EYS: variants seen among roughly 807,000 people sequenced by gnomAD.
The protein encoded by EYS is EGF-like photoreceptor maintenance factor, also known as protein eyes shut homolog.
A neutral mutation model predicts 282.1 loss-of-function variants in EYS; 250 were observed. That is an observed-to-expected ratio of 0.89 (90% CI 0.80 to 0.98). The LOEUF is 0.98. Among genes scored for constraint, EYS ranks in the 50% least tolerant of loss-of-function variants. The pLI is 0.00. For synonymous variants in EYS, 1,355 were observed against 1,282.9 expected (o/e 1.06, Z -1.20); for missense variants, 4,016 against 3,709.0 (o/e 1.08, Z -2.15).
chr6:64,767,334 A>G (rs1181007972), intron 22 of EYS, among the ~76,000 whole-genome samples: 4 of 152,124 alleles, frequency 2.6e-5, no homozygotes, highest in East Asian at 1.9e-4. Context: ...TGCTAATTAT[A>G]GTCACCCTGC....
intron 18 of EYS, among the ~76,000 whole-genome samples, chr6:64,900,941 C>T (rs1400638753): frequency 2.0e-5 from 3 of 151,816 alleles, no homozygotes; most frequent in Admixed American, 6.6e-5. Flanking sequence ...CACATGCACA[C>T]GCATGTTTAT....
intron 1 of EYS, among the ~76,000 whole-genome samples, chr6:65,656,413 G>T (rs575624019): frequency 6.6e-6 from 1 of 151,992 alleles, no homozygotes; most frequent in East Asian, 1.9e-4. Flanking sequence ...GGAAGTTCGT[G>T]AGGGAAAGTG....
chr6:64,989,484 T>TAC lies in EYS; in HGVS notation c.2259+8097_2259+8098insGT, dbSNP rs1770982521. ...TGTAATATATATATATATATATATA[T>TAC]ATAAGAATATATATGAGAAACATGT... is the stretch of plus-strand genomic sequence containing the variant. On this transcript the variant is annotated intron_variant, in intron 14 of 42. Transcript: ENST00000503581. Among the ~76,000 whole-genome samples, 6 of 117,164 alleles carry TAC rather than the reference T, an allele frequency of 5.1e-5. 1 individual carries two copies. The Admixed American group carries it at 5.2e-4, about 10-fold the overall frequency. The allele number at this position is 117,164 out of a possible 152,430, so 76.9% of individuals were successfully genotyped here. A position where few individuals can be genotyped will look rare whatever the true frequency, so the allele number is the denominator to read the frequency against.
At chr6:63,848,078 A>T (rs1250803526) in intron 36 of EYS, among the ~76,000 whole-genome samples, 3 of 152,152 alleles carry the variant, frequency 2.0e-5, no homozygotes, top group African/African-American at 7.2e-5. Context: ...GTTTAGGCTG[A>T]AATGACCTTA....
chr6:65,028,875 A>G (rs907096190), intron 13 of EYS, among the ~76,000 whole-genome samples: 2 of 152,108 alleles, frequency 1.3e-5, no homozygotes, highest in African/African-American at 4.8e-5. Context: ...ACTTTCATGT[A>G]TATGTTGATT....
At position 64,506,152 on chromosome 6, in the gene EYS, C is replaced by G. The variant is rs533770847; in HGVS notation, c.5645-66800G>C. 9.9e-5 allele frequency among the ~76,000 whole-genome samples: 15 copies of G among 152,172 alleles called. No homozygotes were observed. In the East Asian group the frequency reaches 2.9e-3, roughly 29 times the overall value. On this transcript the variant is annotated intron_variant, in intron 26 of 42. Transcript: ENST00000503581. ...TATAAAAGTATCCCAATACAGTATACTGTATAAAATTGTATTTTAAAACTG... is the reference window on the plus strand; with the variant it reads ...TATAAAAGTATCCCAATACAGTATAGTGTATAAAATTGTATTTTAAAACTG...
At chr6:64,327,759 G>A (rs1399868974) in intron 29 of EYS, among the ~76,000 whole-genome samples, 1 of 152,238 alleles carries the variant, frequency 6.6e-6, no homozygotes, top group African/African-American at 2.4e-5. Context: ...CCGTCCTACA[G>A]GCCCCACCTG....
intron 31 of EYS, among the ~76,000 whole-genome samples, chr6:64,228,778 G>A (rs138247575): frequency 2.1e-3 from 312 of 152,044 alleles, no homozygotes; most frequent in African/African-American, 6.7e-3. Context: ...TTAAACCTCC[G>A]TGAAACCTTG....
At chr6:64,808,104 CCCTTCTTCCCTTT>C (rs1249534083) in intron 22 of EYS, among the ~76,000 whole-genome samples, 1 of 149,664 alleles carries the variant, frequency 6.7e-6, no homozygotes, top group African/African-American at 2.4e-5. Context: ...TTCTTCCCTT[CCCTTCTTCCCTTT>C]CCTTCCCTTC....
intron 32 of EYS, among the ~76,000 whole-genome samples, chr6:64,076,978 C>T (rs562855203): frequency 6.6e-6 from 1 of 151,912 alleles, no homozygotes; most frequent in South Asian, 2.1e-4. Context: ...TTGTATCCCT[C>T]ACATTGCCCA....
chr6:65,516,207 G>A (rs1023516569), intron 2 of EYS, among the ~76,000 whole-genome samples: 7 of 152,014 alleles, frequency 4.6e-5, no homozygotes, highest in Non-Finnish European at 7.4e-5. Context: ...TTTGTATAAT[G>A]TGACAAATTA....
At chr6:65,309,932 C>A (rs550657800) in intron 11 of EYS, among the ~76,000 whole-genome samples, 4 of 152,184 alleles carry the variant, frequency 2.6e-5, no homozygotes, top group Admixed American at 2.6e-4. Flanking sequence ...TGTCTTCCTC[C>A]CCTTGATCCC....
At chr6:64,443,200 AT>A (rs1561997506) in intron 26 of EYS, among the ~76,000 whole-genome samples, 1 of 152,186 alleles carries the variant, frequency 6.6e-6, no homozygotes, top group African/African-American at 2.4e-5. Context: ...GAGCTTTAAA[AT>A]TTGACTGCCC....
chr6:64,587,239 G>A (rs910728748), intron 26 of EYS, among the ~76,000 whole-genome samples: 3 of 151,850 alleles, frequency 2.0e-5, no homozygotes, highest in African/African-American at 7.3e-5. Flanking sequence ...CAGCAGCAAG[G>A]GACTCTAAAA....
chr6:64,560,179 T>C (rs1198702112), intron 26 of EYS, among the ~76,000 whole-genome samples: 3 of 152,014 alleles, frequency 2.0e-5, no homozygotes, highest in African/African-American at 7.2e-5. Flanking sequence ...ATTTTTTACA[T>C]ATATGTTAAA....
chr6:64,083,216 T>C (rs1267724022), intron 31 of EYS, among the ~76,000 whole-genome samples: 1 of 151,986 alleles, frequency 6.6e-6, no homozygotes, highest in African/African-American at 2.4e-5. Flanking sequence ...GCCAACTTTC[T>C]TTTTTGTCTT....
chr6:64,977,839 A>G (rs894180281), intron 14 of EYS, among the ~76,000 whole-genome samples: 2 of 151,972 alleles, frequency 1.3e-5, no homozygotes, highest in Admixed American at 6.6e-5. Flanking sequence ...CCCAATCTAG[A>G]GCAAGAACTT....
At position 64,836,998 on chromosome 6, in the gene EYS, A is replaced by G. The variant is rs757861593; in HGVS notation, c.2993-14176T>C. ...ATAAAAATGCTGTGGAAATTTAATG[A>G]ATGGCATGGGGGATTTCCAGAATAT... On this transcript the variant is annotated intron_variant, in intron 19 of 42. Coordinates refer to ENST00000503581, the MANE Select transcript of EYS (RefSeq NM_001142800.2). Among the ~76,000 whole-genome samples the G allele has an allele frequency of 4.5e-4, 69 of 151,672 alleles. 1 individual carries two copies. Among genetic ancestry groups the G allele is most frequent in the Non-Finnish European group, 3.4e-4 (23 of 67,724 alleles).
At position 65,162,756 on chromosome 6, in the gene EYS, C is replaced by A. The variant is rs139070864; in HGVS notation, c.2024-105029G>T. On this transcript the variant is annotated intron_variant, in intron 12 of 42. Coordinates refer to ENST00000503581, the MANE Select transcript of EYS (RefSeq NM_001142800.2). ...CTCATTGGTGTTTAGGTGCTCTGTGCCCTAAAACTAAAAATTAAAATGAGA... is the reference window on the plus strand; with the variant it reads ...CTCATTGGTGTTTAGGTGCTCTGTGACCTAAAACTAAAAATTAAAATGAGA... Among the ~76,000 whole-genome samples, 391 of 151,002 alleles carry A rather than the reference C, an allele frequency of 2.6e-3. 1 individual carries two copies. The highest frequency in any genetic ancestry group is 8.7e-3 in the African/African-American group (360 of 41,300).
Sources: allele counts gnomAD v4.1 joint callset (sites outside exome capture counted in the v4.1 genomes callset), GRCh38; gene constraint gnomAD v4.1.1; transcripts MANE v1.5; gene names NCBI Gene and HGNC (gene_info 2026-07-23, HGNC 2026-07-21).